Variants in TMEM125 observed in about 807,000 individuals in gnomAD.
TMEM125 encodes the protein transmembrane protein 125.
In TMEM125, 11 loss-of-function variants were observed where a neutral mutation model predicts 8.7. The observed-to-expected ratio is 1.26, with a 90% CI of 0.79 to 2.08. The LOEUF is 2.08. TMEM125 is among the 30% of genes most tolerant of loss of function. TMEM125 has a pLI of 0.00. For missense variants in TMEM125, 270 were observed against 302.4 expected (o/e 0.89, Z 0.79); for synonymous variants, 144 against 146.1 (o/e 0.99, Z 0.10).
chr1:43,273,143 G>T lies in TMEM125; in HGVS notation c.421G>T (p.Ala141Ser). ...LAGLAAAPAP[A>S]RPLAAMLSVG... ...CGGGCTGGCCGCCGCCCCTGCCCCT[G>T]CTCGGCCGCTGGCCGCCATGCTGTC... Residue 141 changes from alanine (A) to serine (S), a missense_variant, in exon 4 of 4, where the codon GCT becomes TCT. Around this residue, in one of 3 missense-constraint regions of TMEM125, gnomAD observed 215 missense variants for 216.5 expected, o/e 0.99. Coordinates refer to ENST00000439858, the MANE Select transcript of TMEM125 (RefSeq NM_144626.3). 1 of 1,612,666 alleles carries T rather than the reference G, an allele frequency of 6.2e-7. No individual in the cohort carries two copies. Among genetic ancestry groups the T allele is most frequent in the Non-Finnish European group, 8.5e-7 (1 of 1,179,388 alleles).
Position 43,272,839 on chromosome 1 carries a change from C to A in TMEM125, c.117C>A (p.Val39=). 1 of 1,576,216 alleles carries A rather than the reference C, an allele frequency of 6.3e-7. No homozygotes were observed. Among genetic ancestry groups the A allele is most frequent in the South Asian group, 1.1e-5 (1 of 87,022 alleles). The change falls in exon 4 of 4, where the codon GTC becomes GTA. Residue 39 remains valine, a synonymous_variant. Coordinates refer to ENST00000439858, the MANE Select transcript of TMEM125 (RefSeq NM_144626.3). The surrounding 1 kb of genome is among the most constrained non-coding windows in gnomAD (Gnocchi z 5.0). The part of the protein sequence containing the change: ...QQPRRSALCF[V]VAVGLVAGCG... ...CGCGGCGCTCGGCGCTCTGCTTCGT[C>A]GTGGCCGTGGGCCTCGTGGCAGGCT... is the stretch of plus-strand genomic sequence containing the variant.
chr1:43,272,819 C>A lies in TMEM125; in HGVS notation c.97C>A (p.Arg33Ser). The A allele has an allele frequency of 6.4e-7, 1 of 1,567,138 alleles. No homozygotes were observed. The highest frequency in any genetic ancestry group is 1.2e-5 in the South Asian group (1 of 85,962). ...VELWWSQQPR[R>S]SALCFVVAVG... ...GCTGTGGTGGTCCCAGCAGCCGCGG[C>A]GCTCGGCGCTCTGCTTCGTCGTGGC... The change falls in exon 4 of 4, where the codon CGC (arginine) becomes AGC (serine). Residue 33 changes from arginine to serine, a missense_variant. Around this residue, in one of 3 missense-constraint regions of TMEM125, gnomAD observed 215 missense variants for 216.5 expected, o/e 0.99. Coordinates refer to ENST00000439858, the MANE Select transcript of TMEM125 (RefSeq NM_144626.3). The surrounding 1 kb of genome is among the most constrained non-coding windows in gnomAD (Gnocchi z 5.0).
Position 43,273,343 on chromosome 1 carries a change from G to A in TMEM125, c.621G>A (p.Arg207=), listed in dbSNP as rs758180120. The part of the protein sequence containing the change: ...FSISGQLSAG[R]RHETTSSIAS... ...TCTCAGGACAGTTGTCTGCTGGCCG[G>A]CGTCACGAGACCACATCCAGCATTG... is the stretch of plus-strand genomic sequence containing the variant. The change falls in exon 4 of 4, where the codon CGG becomes CGA. Residue 207 remains arginine, a synonymous_variant. Transcript: ENST00000439858. 6.2e-7 allele frequency: 1 copy of A among 1,611,854 alleles called. No homozygotes were observed. Among genetic ancestry groups the A allele is most frequent in the Admixed American group, 1.7e-5 (1 of 59,992 alleles).
At position 43,273,442 on chromosome 1, in the gene TMEM125, G is replaced by A. The variant is rs1646510078; in HGVS notation, c.*60G>A. ...TCAGCGTCCCCAGAGCCGAGCCAGG[G>A]TGTGAGTGCATGTGAACGTTGAGTA... On this transcript the variant is annotated 3_prime_UTR_variant, in exon 4 of 4. Coordinates refer to ENST00000439858, the MANE Select transcript of TMEM125 (RefSeq NM_144626.3). 6.4e-7 allele frequency: 1 copy of A among 1,553,476 alleles called. No individual in the cohort carries two copies. The highest frequency in any genetic ancestry group is 8.7e-7 in the Non-Finnish European group (1 of 1,144,962).
chr1:43,272,999 G>A lies in TMEM125; in HGVS notation c.277G>A (p.Asp93Asn), dbSNP rs1265686783. ...VKQLMSSAVQDMNCIRQAHHV... is the reference protein window; with the variant it reads ...VKQLMSSAVQNMNCIRQAHHV... Reference sequence around the variant, plus strand: ...ACAGCTGATGAGCTCGGCTGTGCAGGACATGAACTGCATCCGCCAGGCCCA... The same window carrying A: ...ACAGCTGATGAGCTCGGCTGTGCAGAACATGAACTGCATCCGCCAGGCCCA... The change falls in exon 4 of 4, where the codon GAC becomes AAC. Residue 93 changes from aspartate to asparagine, a missense_variant. This residue lies in a region of TMEM125 where 215 missense variants were observed against 216.5 expected (regional missense o/e 0.99). Coordinates refer to ENST00000439858, the MANE Select transcript of TMEM125 (RefSeq NM_144626.3). The surrounding 1 kb of genome is among the most constrained non-coding windows in gnomAD (Gnocchi z 5.0). The A allele has an allele frequency of 6.2e-7, 1 of 1,612,866 alleles. No homozygotes were observed. Among genetic ancestry groups the A allele is most frequent in the Non-Finnish European group, 8.5e-7 (1 of 1,179,142 alleles).
Position 43,273,649 on chromosome 1 carries a change from A to G in TMEM125, c.*267A>G. On this transcript the variant is annotated 3_prime_UTR_variant, in exon 4 of 4. Transcript: ENST00000439858. Reference sequence around the variant, plus strand: ...TGTATCTCAGGTCAGTAGGCGCAGAAACGCCTCATGATGAAGATTCTTGAG... The same window carrying G: ...TGTATCTCAGGTCAGTAGGCGCAGAGACGCCTCATGATGAAGATTCTTGAG... 1.9e-6 allele frequency: 1 copy of G among 529,004 alleles called. No individual in the cohort carries two copies. Among genetic ancestry groups the G allele is most frequent in the Non-Finnish European group, 3.5e-6 (1 of 288,174 alleles). 32.8% of individuals were successfully genotyped at this position (529,004 alleles called of 1,614,324 possible). A position where few individuals can be genotyped will look rare whatever the true frequency, so the allele number is the denominator to read the frequency against.
rs759271266 is a variant in TMEM125, at chr1:43,271,656, G to A, written c.-301-528G>A. Among the ~76,000 whole-genome samples, 3 of 152,222 alleles carry A rather than the reference G, an allele frequency of 2.0e-5. No individual in the cohort carries two copies. Among genetic ancestry groups the A allele is most frequent in the Non-Finnish European group, 2.9e-5 (2 of 68,042 alleles). Reference sequence around the variant, plus strand: ...TCCTTTGCTCCACTTTAGAGAAATCGTGGAGGAGGATGGCATGGGGGAATG... The same window carrying A: ...TCCTTTGCTCCACTTTAGAGAAATCATGGAGGAGGATGGCATGGGGGAATG... On this transcript the variant is annotated intron_variant, in intron 2 of 3. Transcript: ENST00000439858. The surrounding 1 kb of genome is among the most constrained non-coding windows in gnomAD (Gnocchi z 4.9).
Position 43,271,375 on chromosome 1 carries a change from G to C in TMEM125, c.-302+582G>C. 6.6e-6 allele frequency among the ~76,000 whole-genome samples: 1 copy of C among 152,140 alleles called. No individual in the cohort carries two copies. The highest frequency in any genetic ancestry group is 2.1e-4 in the South Asian group (1 of 4,818). On this transcript the variant is annotated intron_variant, in intron 2 of 3. Coordinates refer to ENST00000439858, the MANE Select transcript of TMEM125 (RefSeq NM_144626.3). The surrounding 1 kb of genome is among the most constrained non-coding windows in gnomAD (Gnocchi z 4.9). ...CCCCTCCCCCAGACCCCTCTCCTGG[G>C]CTCTGCAGGGCTCTGGGCTGACTAA...
chr1:43,273,416 C>G lies in TMEM125; in HGVS notation c.*34C>G. 6 of 1,585,354 alleles carry G rather than the reference C, an allele frequency of 3.8e-6. No individual in the cohort carries two copies. Among genetic ancestry groups the G allele is most frequent in the Non-Finnish European group, 5.2e-6 (6 of 1,160,948 alleles). ...GAGCCGTCCTTCTTCTCACAGCGGCCTCAGCGTCCCCAGAGCCGAGCCAGG... is the reference window on the plus strand; with the variant it reads ...GAGCCGTCCTTCTTCTCACAGCGGCGTCAGCGTCCCCAGAGCCGAGCCAGG... On this transcript the variant is annotated 3_prime_UTR_variant, in exon 4 of 4. Transcript: ENST00000439858.
chr1:43,272,758 G>A lies in TMEM125; in HGVS notation c.36G>A (p.Arg12=), dbSNP rs1646500559. The part of the protein sequence containing the change: ...SEQEAQAPGG[R]GLPPDMLAEQ... ...AGGAGGCTCAAGCCCCAGGGGGCCG[G>A]GGGCTGCCCCCGGACATGCTGGCAG... Residue 12 remains arginine (R), a synonymous_variant, in exon 4 of 4, where the codon CGG becomes CGA. Coordinates refer to ENST00000439858, the MANE Select transcript of TMEM125 (RefSeq NM_144626.3). This position sits in a 1 kb window ranked among gnomAD's most constrained non-coding sequence, Gnocchi z 5.0. 9.9e-6 allele frequency: 15 copies of A among 1,518,764 alleles called. No homozygotes were observed. In the East Asian group the frequency reaches 3.5e-4, roughly 35 times the overall value. 94.1% of individuals were successfully genotyped at this position (1,518,764 alleles called of 1,614,324 possible). A position where few individuals can be genotyped will look rare whatever the true frequency, so the allele number is the denominator to read the frequency against.
At position 43,270,081 on chromosome 1, in the gene TMEM125, T is replaced by C. The variant is rs949493095; in HGVS notation, c.-419T>C. Reference sequence around the variant, plus strand: ...GAGGCTGCAGCCTAGGGCCAAGGGATGGAGGTACTGGGGCTGTGTTTGGGG... The same window carrying C: ...GAGGCTGCAGCCTAGGGCCAAGGGACGGAGGTACTGGGGCTGTGTTTGGGG... On this transcript the variant is annotated 5_prime_UTR_variant, in exon 1 of 4. An upstream start codon of the reference 5' UTR is lost. Coordinates refer to ENST00000439858, the MANE Select transcript of TMEM125 (RefSeq NM_144626.3). The C allele has an allele frequency of 6.6e-6, 1 of 152,184 alleles. No individual in the cohort carries two copies. The highest frequency in any genetic ancestry group is 1.5e-5 in the Non-Finnish European group (1 of 68,134). The allele number at this position is 152,184 out of a possible 1,614,324, so 9.4% of individuals were successfully genotyped here.
In TMEM125 at chr1:43,273,261, G is replaced by A. The variant is rs1416596928; in HGVS notation, c.539G>A (p.Cys180Tyr). The change falls in exon 4 of 4, where the codon TGT becomes TAT. Residue 180 changes from cysteine (C) to tyrosine (Y), a missense_variant. Coordinates refer to ENST00000439858, the MANE Select transcript of TMEM125 (RefSeq NM_144626.3). The stretch of plus-strand genomic sequence containing the variant: ...GTGAGCGGACACTGCCCCTCCATCT[G>A]TATGGCCACTCCCTCCACCCACAGT... ...VGVSGHCPSICMATPSTHSGH... is the reference protein window; with the variant it reads ...VGVSGHCPSIYMATPSTHSGH... 6.2e-7 allele frequency: 1 copy of A among 1,614,168 alleles called. No individual in the cohort carries two copies. Among genetic ancestry groups the A allele is most frequent in the Non-Finnish European group, 8.5e-7 (1 of 1,180,016 alleles).
In TMEM125 at chr1:43,272,893, AACCAC is replaced by A; in HGVS notation, c.172_176del (p.Thr58GlnfsTer6). ...GCGCGGGCGGCGTGGCACTGCTGTC[AACCAC>A]CAGCAGCCGCTCAGGTGAATGGCGG... On this transcript the variant is annotated frameshift_variant, in exon 4 of 4. Coordinates refer to ENST00000439858, the MANE Select transcript of TMEM125 (RefSeq NM_144626.3). LOFTEE classifies it high-confidence loss of function. The surrounding 1 kb of genome is among the most constrained non-coding windows in gnomAD (Gnocchi z 5.0). 6 of 1,589,720 alleles carry A rather than the reference AACCAC, an allele frequency of 3.8e-6. No individual in the cohort carries two copies. The highest frequency in any genetic ancestry group is 5.2e-6 in the Non-Finnish European group (6 of 1,164,928).
In TMEM125 at chr1:43,271,515, G is replaced by C. The variant is rs568333737; in HGVS notation, c.-301-669G>C. On this transcript the variant is annotated intron_variant, in intron 2 of 3. Coordinates refer to ENST00000439858, the MANE Select transcript of TMEM125 (RefSeq NM_144626.3). This position sits in a 1 kb window ranked among gnomAD's most constrained non-coding sequence, Gnocchi z 4.9. Reference sequence around the variant, plus strand: ...CATGTGCTTTATTTTTGCCCAATGTGAGACATGCTTTCCTCTGGAGGACAG... The same window carrying C: ...CATGTGCTTTATTTTTGCCCAATGTCAGACATGCTTTCCTCTGGAGGACAG... 2.7e-4 allele frequency among the ~76,000 whole-genome samples: 41 copies of C among 152,332 alleles called. No homozygotes were observed. The highest frequency in any genetic ancestry group is 5.0e-4 in the Non-Finnish European group (34 of 68,042).
chr1:43,272,926 A>G lies in TMEM125; in HGVS notation c.204A>G (p.Leu68=), dbSNP rs772940959. ...TTSSRSGEWR[L]ATGTVLCLLA... The stretch of plus-strand genomic sequence containing the variant: ...GCAGCCGCTCAGGTGAATGGCGGCT[A>G]GCAACGGGCACTGTGCTCTGTTTGC... The change falls in exon 4 of 4, where the codon CTA becomes CTG. Residue 68 remains leucine (L), a synonymous_variant. Coordinates refer to ENST00000439858, the MANE Select transcript of TMEM125 (RefSeq NM_144626.3). The surrounding 1 kb of genome is among the most constrained non-coding windows in gnomAD (Gnocchi z 5.0). 5 of 1,600,458 alleles carry G rather than the reference A, an allele frequency of 3.1e-6. No homozygotes were observed. Among genetic ancestry groups the G allele is most frequent in the Admixed American group, 1.7e-5 (1 of 59,358 alleles).
rs1258745403 is a variant in TMEM125 at position 43,273,936 on chromosome 1, G to C, written c.*554G>C. On this transcript the variant is annotated 3_prime_UTR_variant, in exon 4 of 4. Transcript: ENST00000439858. ...TCGATTGTGGGGATGAAATGTCATTGTGTATGGAAGGCGGGGCTCATGGCT... is the reference window on the plus strand; with the variant it reads ...TCGATTGTGGGGATGAAATGTCATTCTGTATGGAAGGCGGGGCTCATGGCT... 1 of 168,942 alleles carries C rather than the reference G, an allele frequency of 5.9e-6. No homozygotes were observed. The highest frequency in any genetic ancestry group is 1.4e-5 in the Non-Finnish European group (1 of 69,510). 10.5% of individuals were successfully genotyped at this position (168,942 alleles called of 1,614,324 possible).
Position 43,273,715 on chromosome 1 carries a change from A to C in TMEM125, c.*333A>C. Reference sequence around the variant, plus strand: ...CCCTCACATCCAATCCTGTCCTGTAACATCCATCAAGGATTTCCATAGGGG... The same window carrying C: ...CCCTCACATCCAATCCTGTCCTGTACCATCCATCAAGGATTTCCATAGGGG... On this transcript the variant is annotated 3_prime_UTR_variant, in exon 4 of 4. Transcript: ENST00000439858. The C allele has an allele frequency of 2.9e-6, 1 of 345,212 alleles. No homozygotes were observed. The highest frequency in any genetic ancestry group is 5.7e-6 in the Non-Finnish European group (1 of 176,790). The allele number at this position is 345,212 out of a possible 1,614,324, so 21.4% of individuals were successfully genotyped here.
chr1:43,273,967 G>A lies in TMEM125; in HGVS notation c.*585G>A. ...GGAAGGCGGGGCTCATGGCTGATTG[G>A]CAATAAAATGGCGGCTGCCGTTGTC... On this transcript the variant is annotated 3_prime_UTR_variant, in exon 4 of 4. Coordinates refer to ENST00000439858, the MANE Select transcript of TMEM125 (RefSeq NM_144626.3). 2 of 167,034 alleles carry A rather than the reference G, an allele frequency of 1.2e-5. No homozygotes were observed. Among genetic ancestry groups the A allele is most frequent in the Admixed American group, 6.5e-5 (1 of 15,380 alleles). The allele number at this position is 167,034 out of a possible 1,614,324, so 10.3% of individuals were successfully genotyped here.
chr1:43,273,250 C>T lies in TMEM125; in HGVS notation c.528C>T (p.Cys176=), dbSNP rs780801369. The T allele has an allele frequency of 4.5e-5, 73 of 1,614,068 alleles. No individual in the cohort carries two copies. The highest frequency in any genetic ancestry group is 1.2e-4 in the Admixed American group (7 of 60,006). ...LLYQVGVSGH[C]PSICMATPST... The stretch of plus-strand genomic sequence containing the variant: ...ATCAAGTGGGTGTGAGCGGACACTG[C>T]CCCTCCATCTGTATGGCCACTCCCT... Residue 176 remains cysteine, a synonymous_variant, in exon 4 of 4, where the codon TGC becomes TGT. Coordinates refer to ENST00000439858, the MANE Select transcript of TMEM125 (RefSeq NM_144626.3).
Sources: gnomAD v4.1 joint callset for allele counts (sites outside exome capture counted in the v4.1 genomes callset) on GRCh38, gnomAD v4.1.1 for gene constraint, gnomAD v4.1.1 regional missense constraint, Gnocchi (gnomAD v3.1) non-coding constraint, MANE v1.5 for transcripts, NCBI Gene and HGNC (gene_info 2026-07-23, HGNC 2026-07-21) for gene names.